The following SMAD4 variants were observed in gnomAD, a reference collection of about 807,000 sequenced individuals.
SMAD4 encodes SMAD family member 4.
In SMAD4, 7 loss-of-function variants were observed where a neutral mutation model predicts 63.2. The observed-to-expected ratio is 0.11, with a 90% CI of 0.06 to 0.21. The LOEUF (loss-of-function observed/expected upper bound fraction) is 0.21. Among genes scored for constraint, SMAD4 ranks in the 10% least tolerant of loss-of-function variants. SMAD4 has a pLI of 1.00. For synonymous variants in SMAD4, 215 were observed against 235.4 expected (o/e 0.91, Z 0.79); for missense variants, 312 against 693.8 (o/e 0.45, Z 6.18).
At chr18:51,073,164 C>T (rs1001286255) in intron 10 of SMAD4, among the ~76,000 whole-genome samples, 1 of 151,720 alleles carries the variant, frequency 6.6e-6, no homozygotes, top group Non-Finnish European at 1.5e-5. Context: ...GTAATATGTG[C>T]TGCTGATGTT....
At chr18:51,058,604 GTAT>G in intron 7 of SMAD4, 148 bp downstream of exon 7, 1 of 668,236 alleles carries the variant, frequency 1.5e-6, no homozygotes, top group Non-Finnish European at 2.6e-6. Flanking sequence ...TTTGTAAACA[GTAT>G]TATTTTTCAT....
chr18:51,042,064 A>G (rs2144390695), intron 1 of SMAD4, among the ~76,000 whole-genome samples: 1 of 152,160 alleles, frequency 6.6e-6, no homozygotes, highest in South Asian at 2.1e-4. Flanking sequence ...TCTTTAAGGG[A>G]TGTTGTAGAA....
At chr18:51,048,555 A>G (rs1222732082) in intron 2 of SMAD4, 131 bp from the exon 3 acceptor site, 13 of 831,830 alleles carry the variant, frequency 1.6e-5, no homozygotes, top group Admixed American at 8.2e-5. Flanking sequence ...AGTTATTGTG[A>G]ATTTTAGTTT....
rs1284643918 is a variant in SMAD4 at position 51,079,398 on chromosome 18, A to G, written c.*931A>G. ...AAAGGTGGCAATGCTTAAACTAAAT[A>G]ATGAATAAACTGAATATTTTGGAAA... On this transcript the variant is annotated 3_prime_UTR_variant, in exon 12 of 12. Transcript: ENST00000342988. 1 of 233,488 alleles carries G rather than the reference A, an allele frequency of 4.3e-6. No individual in the cohort carries two copies. The highest frequency in any genetic ancestry group is 8.5e-6 in the Non-Finnish European group (1 of 117,956). The allele number at this position is 233,488 out of a possible 1,614,324, so 14.5% of individuals were successfully genotyped here.
At chr18:51,055,542 G>GT (rs1431847878) in intron 5 of SMAD4, among the ~76,000 whole-genome samples, 1 of 141,552 alleles carries the variant, frequency 7.1e-6, no homozygotes, top group Non-Finnish European at 1.6e-5. Context: ...AAAAAAAAAA[G>GT]TGTTTCAGAA....
rs1211437662 is a variant in SMAD4, at chr18:51,030,429, A to T, written c.-322A>T. 6.7e-6 allele frequency: 1 copy of T among 150,262 alleles called. No individual in the cohort carries two copies. Among genetic ancestry groups the T allele is most frequent in the South Asian group, 2.1e-4 (1 of 4,762 alleles). The allele number at this position is 150,262 out of a possible 1,614,324, so 9.3% of individuals were successfully genotyped here. Reference sequence around the variant, plus strand: ...CCCAGCGAGAGAGGCCCCCCGCCGCAGGGCGGCCCGGGAGCTCGAGGCGGT... The same window carrying T: ...CCCAGCGAGAGAGGCCCCCCGCCGCTGGGCGGCCCGGGAGCTCGAGGCGGT... On this transcript the variant is annotated 5_prime_UTR_variant, in exon 1 of 12. Coordinates refer to ENST00000342988, the MANE Select transcript of SMAD4 (RefSeq NM_005359.6).
Position 51,083,547 on chromosome 18 carries a change from A to G in SMAD4, c.*5080A>G, listed in dbSNP as rs532965680. 145 of 227,784 alleles carry G rather than the reference A, an allele frequency of 6.4e-4. 5 individuals are homozygous for G. In the South Asian group the frequency reaches 0.024, roughly 38 times the overall value. 14.1% of individuals were successfully genotyped at this position (227,784 alleles called of 1,614,324 possible). On this transcript the variant is annotated 3_prime_UTR_variant, in exon 12 of 12. Transcript: ENST00000342988. The stretch of plus-strand genomic sequence containing the variant: ...CTCTGTTGATGTGGATACTTTTCAC[A>G]CCGTTTATTTAAATGCTTTCTCAAT...
At chr18:51,066,343 CAAAA>C (rs112954430) in intron 9 of SMAD4, among the ~76,000 whole-genome samples, 1 of 65,868 alleles carries the variant, frequency 1.5e-5, no homozygotes, top group Non-Finnish European at 3.3e-5. Flanking sequence ...GACTCCATTT[CAAAA>C]AAAAAAAAAA....
At chr18:51,040,471 G>A (rs1250319863) in intron 1 of SMAD4, among the ~76,000 whole-genome samples, 1 of 151,670 alleles carries the variant, frequency 6.6e-6, no homozygotes, top group African/African-American at 2.4e-5. Flanking sequence ...CCCATAGTAA[G>A]TAGTTTATTG....
intron 1 of SMAD4, among the ~76,000 whole-genome samples, chr18:51,032,733 A>G (rs1314497057): frequency 6.6e-6 from 1 of 152,002 alleles, no homozygotes; most frequent in Non-Finnish European, 1.5e-5. Flanking sequence ...ACACTATTCT[A>G]ATTGAGGTGT....
intron 8 of SMAD4, among the ~76,000 whole-genome samples, chr18:51,060,652 G>A (rs940543794): frequency 6.6e-6 from 1 of 151,996 alleles, no homozygotes; most frequent in African/African-American, 2.4e-5. Flanking sequence ...GTTTATTTTT[G>A]AGAGAGGGCC....
chr18:51,031,319 C>CA (rs1909043950), intron 1 of SMAD4, among the ~76,000 whole-genome samples: 1 of 152,186 alleles, frequency 6.6e-6, no homozygotes, highest in African/African-American at 2.4e-5. Context: ...TAGGATTTCT[C>CA]AAACTAGATT....
chr18:51,055,865 T>G (rs558500977), intron 5 of SMAD4, among the ~76,000 whole-genome samples: 1 of 152,298 alleles, frequency 6.6e-6, no homozygotes, highest in South Asian at 2.1e-4. Flanking sequence ...GTACCATTAT[T>G]GTATTTGCTT....
chr18:51,049,243 C>T (rs779469567), intron 3 of SMAD4, 52 bp from the exon 4 acceptor site: 14 of 1,298,984 alleles, frequency 1.1e-5, no homozygotes, highest in Admixed American at 3.5e-5. Flanking sequence ...ATGGAAAATA[C>T]TTTCATTGTA....
chr18:51,046,769 A>G lies in SMAD4; in HGVS notation c.-127-151A>G, dbSNP rs1909554910. Among the ~76,000 whole-genome samples, 3 of 152,160 alleles carry G rather than the reference A, an allele frequency of 2.0e-5. No homozygotes were observed. The South Asian group carries it at 6.2e-4, about 31-fold the overall frequency. ...TTTTAATGGCTAATATTTTGTAAGA[A>G]TTTTAAGTAATTTTCAACTCTGAGC... On this transcript the variant is annotated intron_variant, in intron 1 of 11. Transcript: ENST00000342988.
chr18:51,040,082 T>TA (rs1909328238), intron 1 of SMAD4, among the ~76,000 whole-genome samples: 1 of 152,136 alleles, frequency 6.6e-6, no homozygotes, highest in African/African-American at 2.4e-5. Context: ...TTCCTAGTAA[T>TA]AACATTGATA....
At chr18:51,048,587 T>C (rs1200998514) in intron 2 of SMAD4, 99 bp from the exon 3 acceptor site, 4 of 1,044,436 alleles carry the variant, frequency 3.8e-6, no homozygotes, top group Non-Finnish European at 5.9e-6. Flanking sequence ...AAATGGGGAT[T>C]GTAATACTGA....
At chr18:51,046,895 T>C (rs562643398) in intron 1 of SMAD4, 25 bp from the exon 2 acceptor site, 4 of 661,734 alleles carry the variant, frequency 6.0e-6, no homozygotes, top group East Asian at 5.4e-5. Context: ...TTCTGATGTG[T>C]GTCTTTTTTT....
intron 1 of SMAD4, among the ~76,000 whole-genome samples, chr18:51,030,952 C>A (rs975022449): frequency 2.0e-4 from 31 of 152,152 alleles, no homozygotes; most frequent in Non-Finnish European, 4.3e-4. Flanking sequence ...CCCGGCTGAG[C>A]GCGTTGGGTC....
Sources: gnomAD v4.1 joint callset for allele counts (sites outside exome capture counted in the v4.1 genomes callset) on GRCh38, gnomAD v4.1.1 for gene constraint, MANE v1.5 for transcripts, NCBI Gene and HGNC (gene_info 2026-07-23, HGNC 2026-07-21) for gene names.